Variants in ARHGAP32 observed in about 807,000 individuals in gnomAD.
ARHGAP32 encodes rho GTPase-activating protein 32.
In ARHGAP32, 51 loss-of-function variants were observed where a neutral mutation model predicts 186.5. The observed-to-expected ratio is 0.27, with a 90% CI of 0.22 to 0.35. The LOEUF (loss-of-function observed/expected upper bound fraction) is 0.35, where lower values mean the gene tolerates loss of function less well. Among genes scored for constraint, ARHGAP32 ranks in the 10% least tolerant of loss-of-function variants. ARHGAP32 has a pLI of 1.00. For missense variants in ARHGAP32, 2,186 were observed against 2,623.5 expected, an observed-to-expected ratio of 0.83 and a Z score of 3.64; for synonymous variants, 950 against 964.3, an observed-to-expected ratio of 0.99 and a Z score of 0.27.
At chr11:129,266,160 T>C (rs772901876) in intron 1 of ARHGAP32, among the ~76,000 whole-genome samples, 5 of 152,116 alleles carry the variant, frequency 3.3e-5, no homozygotes, top group Admixed American at 6.6e-5. Flanking sequence ...TTTGGGTTAG[T>C]AGAGAGAAAT....
chr11:129,083,027 C>T (rs1941266345), intron 6 of ARHGAP32, among the ~76,000 whole-genome samples: 1 of 152,124 alleles, frequency 6.6e-6, no homozygotes, highest in Non-Finnish European at 1.5e-5. Flanking sequence ...CAGGGAAATG[C>T]ACATCAAAAC....
Position 128,966,759 on chromosome 11 carries a change from G to C in ARHGAP32, c.*2148C>G, listed in dbSNP as rs1945230997. The C allele has an allele frequency of 6.6e-6, 1 of 152,128 alleles. No individual in the cohort carries two copies. The highest frequency in any genetic ancestry group is 1.5e-5 in the Non-Finnish European group (1 of 68,030). 9.4% of individuals were successfully genotyped at this position (152,128 alleles called of 1,614,324 possible). A position where few individuals can be genotyped will look rare whatever the true frequency, so the allele number is the denominator to read the frequency against. Reference sequence around the variant, plus strand: ...TACTTAAAGCCGTGTGTATCTCCTGGTCACAGCAGCCCCTCTTCCTAATCT... The same window carrying C: ...TACTTAAAGCCGTGTGTATCTCCTGCTCACAGCAGCCCCTCTTCCTAATCT... On this transcript the variant is annotated 3_prime_UTR_variant, in exon 23 of 23. Coordinates refer to ENST00000682385, the MANE Select transcript of ARHGAP32 (RefSeq NM_001378024.1).
chr11:129,091,380 G>T (rs1941574006), intron 6 of ARHGAP32, among the ~76,000 whole-genome samples: 1 of 152,022 alleles, frequency 6.6e-6, no homozygotes, highest in South Asian at 2.1e-4. Context: ...TCACAATTTA[G>T]AAAGAAATAA....
At chr11:129,234,183 A>G (rs1170396189) in intron 1 of ARHGAP32, among the ~76,000 whole-genome samples, 1 of 152,118 alleles carries the variant, frequency 6.6e-6, no homozygotes, top group East Asian at 1.9e-4. Flanking sequence ...ATCTAACATT[A>G]AAGTTTTTAA....
At chr11:129,192,382 C>T (rs879786302), upstream of ARHGAP32, among the ~76,000 whole-genome samples, 1 of 152,146 alleles carries the variant, frequency 6.6e-6, no homozygotes, top group Non-Finnish European at 1.5e-5. Context: ...ACAGTCACTG[C>T]GTCTGACTGC....
intron 10 of ARHGAP32, among the ~76,000 whole-genome samples, chr11:129,044,211 T>C (rs779245485): frequency 2.0e-5 from 3 of 152,202 alleles, no homozygotes; most frequent in Non-Finnish European, 4.4e-5. Context: ...ATAATGCCTA[T>C]CTCATAAGGG....
intron 11 of ARHGAP32, among the ~76,000 whole-genome samples, chr11:129,038,810 CCTGGAGTTGAGGG>C (rs1939467192): frequency 1.4e-5 from 2 of 146,916 alleles, no homozygotes; most frequent in East Asian, 4.0e-4. Context: ...TCATTTGAGG[CCTGGAGTTGAGGG>C]CTGCAGTGAG....
chr11:129,014,991 A>AT (rs1938265361), intron 11 of ARHGAP32, among the ~76,000 whole-genome samples: 1 of 152,210 alleles, frequency 6.6e-6, no homozygotes, highest in Non-Finnish European at 1.5e-5. Flanking sequence ...GCACGACAAT[A>AT]TATCTATTCA....
intron 12 of ARHGAP32, among the ~76,000 whole-genome samples, chr11:128,993,835 G>A (rs1279542240): frequency 1.3e-5 from 2 of 151,668 alleles, no homozygotes; most frequent in East Asian, 1.9e-4. Context: ...GGAACCACAT[G>A]CACGTGCCAC....
intron 1 of ARHGAP32, among the ~76,000 whole-genome samples, chr11:129,221,214 G>A (rs1479326705): frequency 1.3e-5 from 2 of 152,054 alleles, no homozygotes; most frequent in Admixed American, 6.6e-5. Context: ...AAATCTATGC[G>A]AAGCCATGAA....
At chr11:129,229,835 G>A (rs900307453) in intron 1 of ARHGAP32, among the ~76,000 whole-genome samples, 2 of 151,824 alleles carry the variant, frequency 1.3e-5, no homozygotes, top group Admixed American at 1.3e-4. Flanking sequence ...TTTTTTTGGG[G>A]GTGGGAGGCA....
intron 5 of ARHGAP32, among the ~76,000 whole-genome samples, chr11:129,119,676 T>C (rs961433285): frequency 1.3e-5 from 2 of 151,900 alleles, no homozygotes; most frequent in African/African-American, 2.4e-5. Flanking sequence ...GAGAGGGAGA[T>C]GAGGAATGCT....
intron 14 of ARHGAP32, 40 bp downstream of exon 14, chr11:128,986,483 AG>A (rs771341550): frequency 6.2e-7 from 1 of 1,605,656 alleles, no homozygotes; most frequent in South Asian, 1.1e-5. Flanking sequence ...AGCACAGCAA[AG>A]TTCCACAAAG....
chr11:129,233,726 G>A lies in ARHGAP32; in HGVS notation c.-5+45420C>T, dbSNP rs538607588. Among the ~76,000 whole-genome samples, 10 of 151,766 alleles carry A rather than the reference G, an allele frequency of 6.6e-5. No homozygotes were observed. In the East Asian group the frequency reaches 1.9e-3, roughly 29 times the overall value. On this transcript the variant is annotated intron_variant, in intron 1 of 6. Transcript: ENST00000525234. Reference sequence around the variant, plus strand: ...ATATATGTAATAGTTAAAATGAACTGTATCCATGTATTACACGGAATAAAT... The same window carrying A: ...ATATATGTAATAGTTAAAATGAACTATATCCATGTATTACACGGAATAAAT...
intron 11 of ARHGAP32, among the ~76,000 whole-genome samples, chr11:129,004,419 T>C (rs1809761676): frequency 6.6e-6 from 1 of 151,968 alleles, no homozygotes; most frequent in Non-Finnish European, 1.5e-5. Flanking sequence ...TTAGGTCCTA[T>C]GTTGATTTTC....
intron 11 of ARHGAP32, among the ~76,000 whole-genome samples, chr11:129,035,173 C>CCT (rs71057921): frequency 0.018 from 2,745 of 148,576 alleles, 74 homozygotes; most frequent in African/African-American, 0.059. Context: ...TGTTTCCTCT[C>CCT]CTCTCTCTCT....
chr11:129,212,189 C>T (rs780622806), intron 1 of ARHGAP32, among the ~76,000 whole-genome samples: 1 of 151,934 alleles, frequency 6.6e-6, no homozygotes, highest in Non-Finnish European at 1.5e-5. Context: ...GTACTGAAAT[C>T]GTATAAATGC....
Position 128,972,771 on chromosome 11 carries a change from T to C in ARHGAP32, c.3735A>G (p.Ala1245=), listed in dbSNP as rs1388649509. The change falls in exon 22 of 23, where the codon GCA becomes GCG. Residue 1245 remains alanine (A), a synonymous_variant. Transcript: ENST00000682385. ...AATTAGGAGGTGTGGGAGATTTGTCTGCAAATTCTAAAGGGTGATGGAGTT... is the reference window on the plus strand; with the variant it reads ...AATTAGGAGGTGTGGGAGATTTGTCCGCAAATTCTAAAGGGTGATGGAGTT... ...VDKLHHPLEF[A]DKSPTPPNLP... 6.2e-7 allele frequency: 1 copy of C among 1,614,008 alleles called. No homozygotes were observed. The highest frequency in any genetic ancestry group is 8.5e-7 in the Non-Finnish European group (1 of 1,179,992).
At chr11:128,992,960 C>T (rs1946101048) in intron 12 of ARHGAP32, among the ~76,000 whole-genome samples, 1 of 152,110 alleles carries the variant, frequency 6.6e-6, no homozygotes, top group Non-Finnish European at 1.5e-5. Context: ...ATTATAAACA[C>T]CGGTTTGTGA....
Sources: allele counts gnomAD v4.1 joint callset (sites outside exome capture counted in the v4.1 genomes callset), GRCh38; gene constraint gnomAD v4.1.1; transcripts MANE v1.5; gene names NCBI Gene and HGNC (gene_info 2026-07-23, HGNC 2026-07-21).